CTNNA3: variants seen among roughly 807,000 people sequenced by gnomAD.
The protein encoded by CTNNA3 is catenin alpha-3.
Under a neutral mutation model 95.7 loss-of-function variants are expected in CTNNA3, and 76 were observed. The observed-to-expected ratio is 0.79, with a 90% CI of 0.66 to 0.96. The LOEUF (loss-of-function observed/expected upper bound fraction) is 0.96. Among genes scored for constraint, CTNNA3 ranks in the 40% least tolerant of loss-of-function variants. The pLI is 0.00. For missense variants in CTNNA3, 1,191 were observed against 1,089.8 expected, an observed-to-expected ratio of 1.09 and a Z score of -1.31; for synonymous variants, 431 against 374.4, an observed-to-expected ratio of 1.15 and a Z score of -1.74.
At chr10:66,614,927 T>C (rs1331445616) in intron 10 of CTNNA3, among the ~76,000 whole-genome samples, 1 of 152,032 alleles carries the variant, frequency 6.6e-6, no homozygotes, top group Non-Finnish European at 1.5e-5. Context: ...TGATTTTTGT[T>C]AATTAGTGAA....
intron 13 of CTNNA3, among the ~76,000 whole-genome samples, chr10:66,154,859 T>C (rs2084408177): frequency 6.6e-6 from 1 of 151,036 alleles, no homozygotes; most frequent in African/African-American, 2.4e-5. Context: ...ACAGCTGTGG[T>C]AACCAAACAG....
intron 6 of CTNNA3, among the ~76,000 whole-genome samples, chr10:67,201,452 CTTTTTTTTTTATTA>C (rs1863641410): frequency 1.3e-5 from 2 of 149,686 alleles, no homozygotes; most frequent in African/African-American, 4.9e-5. Context: ...TATGTCTATT[CTTTTTTTTTTATTA>C]TTTTTTTATT....
intron 1 of CTNNA3, among the ~76,000 whole-genome samples, chr10:67,753,713 A>G (rs1487154942): frequency 1.3e-5 from 2 of 152,244 alleles, no homozygotes; most frequent in Non-Finnish European, 2.9e-5. Flanking sequence ...ACTTATGAAA[A>G]AAAGCTCAAC....
At chr10:67,489,894 G>A (rs1428292251) in intron 5 of CTNNA3, among the ~76,000 whole-genome samples, 1 of 151,488 alleles carries the variant, frequency 6.6e-6, no homozygotes, top group African/African-American at 2.4e-5. Flanking sequence ...TAAGTAACTA[G>A]ATAAAGTTGC....
chr10:66,383,504 C>G (rs191736918), intron 11 of CTNNA3, among the ~76,000 whole-genome samples: 1 of 152,094 alleles, frequency 6.6e-6, no homozygotes, highest in Admixed American at 6.5e-5. Context: ...AGAATGGAAC[C>G]CAGTTGGAAA....
intron 15 of CTNNA3, among the ~76,000 whole-genome samples, chr10:66,041,628 G>T (rs898571588): frequency 2.6e-5 from 4 of 152,102 alleles, no homozygotes; most frequent in African/African-American, 4.8e-5. Context: ...CTCTCTCTTC[G>T]ATGTTGACAA....
chr10:66,855,033 G>A (rs987634200), intron 7 of CTNNA3, among the ~76,000 whole-genome samples: 2 of 151,846 alleles, frequency 1.3e-5, no homozygotes, highest in African/African-American at 4.8e-5. Context: ...GCACATTATA[G>A]ATGTCTAATA....
chr10:67,640,558 G>A (rs1839493760), intron 2 of CTNNA3, among the ~76,000 whole-genome samples: 1 of 152,112 alleles, frequency 6.6e-6, no homozygotes, highest in Non-Finnish European at 1.5e-5. Flanking sequence ...TCAATCCTAA[G>A]CCAAAAGAAC....
At chr10:66,766,934 A>G (rs765718407) in intron 8 of CTNNA3, among the ~76,000 whole-genome samples, 5 of 152,166 alleles carry the variant, frequency 3.3e-5, no homozygotes, top group Non-Finnish European at 7.4e-5. Context: ...AATGAGTTTG[A>G]TGTCCAATTT....
At chr10:66,750,375 T>A (rs114172465) in intron 9 of CTNNA3, among the ~76,000 whole-genome samples, 1,736 of 152,268 alleles carry the variant, frequency 0.011, 31 homozygotes, top group African/African-American at 0.038. Flanking sequence ...TATGACCCAT[T>A]TTGAGTTAAT....
rs1845380304 is a variant in CTNNA3, at chr10:66,894,065, A to G, written c.1048-118541T>C. ...AAAAAGTTATTGCATGTTACCTTAA[A>G]TCATGTGTCTAACAAAATATATACA... On this transcript the variant is annotated intron_variant, in intron 7 of 17. Transcript: ENST00000433211. 1.3e-5 allele frequency among the ~76,000 whole-genome samples: 2 copies of G among 152,166 alleles called. 1 individual carries two copies. The highest frequency in any genetic ancestry group is 4.1e-4 in the South Asian group (2 of 4,836).
intron 7 of CTNNA3, among the ~76,000 whole-genome samples, chr10:66,900,540 A>G (rs1845697016): frequency 6.6e-6 from 1 of 152,204 alleles, no homozygotes. Context: ...AGTTGACAGA[A>G]GTAGGCTTCA....
intron 5 of CTNNA3, among the ~76,000 whole-genome samples, chr10:67,329,702 T>C (rs1422095666): frequency 6.6e-6 from 1 of 152,222 alleles, no homozygotes. Flanking sequence ...GGGCTTACTA[T>C]GCACAAATAG....
rs561706708 is a variant in CTNNA3, at chr10:67,236,281, A to C, written c.580-16411T>G. Among the ~76,000 whole-genome samples, 1,234 of 150,840 alleles carry C rather than the reference A, an allele frequency of 8.2e-3. 6 individuals are homozygous for C. The highest frequency in any genetic ancestry group is 0.017 in the Middle Eastern group (5 of 294). Reference sequence around the variant, plus strand: ...CAACCCAAATGTCCAACAATGATAGACTGGATTAAGAAAATGTGGCACATA... The same window carrying C: ...CAACCCAAATGTCCAACAATGATAGCCTGGATTAAGAAAATGTGGCACATA... On this transcript the variant is annotated intron_variant, in intron 5 of 17. Transcript: ENST00000433211.
At chr10:66,884,125 T>C (rs1329630855) in intron 7 of CTNNA3, among the ~76,000 whole-genome samples, 2 of 152,022 alleles carry the variant, frequency 1.3e-5, no homozygotes, top group African/African-American at 4.8e-5. Context: ...TAATGGAAAC[T>C]AATAGAGTGA....
chr10:66,128,469 TG>T (rs982179524), intron 13 of CTNNA3, among the ~76,000 whole-genome samples: 10 of 151,282 alleles, frequency 6.6e-5, no homozygotes, highest in Non-Finnish European at 1.5e-4. Context: ...GACACAAGCA[TG>T]AAAAAAAAGC....
At chr10:65,986,398 A>G (rs905421842) in intron 16 of CTNNA3, among the ~76,000 whole-genome samples, 1 of 151,462 alleles carries the variant, frequency 6.6e-6, no homozygotes, top group Non-Finnish European at 1.5e-5. Flanking sequence ...ACCTGCAAAA[A>G]TCAACAGCAT....
chr10:67,178,426 T>C (rs1175452440), intron 7 of CTNNA3, among the ~76,000 whole-genome samples: 1 of 152,168 alleles, frequency 6.6e-6, no homozygotes, highest in Non-Finnish European at 1.5e-5. Context: ...AGTACCTCTA[T>C]ACTCTAGAAA....
chr10:66,075,575 C>T (rs990886261), intron 14 of CTNNA3, among the ~76,000 whole-genome samples: 6 of 151,884 alleles, frequency 4.0e-5, no homozygotes, highest in Non-Finnish European at 7.4e-5. Context: ...CTAAAATATT[C>T]ATGTAGCCTA....
Sources: gnomAD v4.1 joint callset for allele counts (sites outside exome capture counted in the v4.1 genomes callset) on GRCh38, gnomAD v4.1.1 for gene constraint, MANE v1.5 for transcripts, NCBI Gene and HGNC (gene_info 2026-07-23, HGNC 2026-07-21) for gene names.